Variants in MYO1E observed in about 807,000 individuals in gnomAD.
MYO1E encodes myosin IE.
Under a neutral mutation model 151.1 loss-of-function variants are expected in MYO1E, and 68 were observed. The ratio of observed to expected loss-of-function variants is 0.45; its 90% CI spans 0.37 to 0.55. The LOEUF is 0.55. MYO1E is among the 20% of genes least tolerant of loss of function. The probability of loss-of-function intolerance (pLI) is 0.00; values close to 1 mark genes in which losing one functional copy is unlikely to be tolerated. For missense variants in MYO1E, 1,363 were observed against 1,389.3 expected (o/e 0.98, Z 0.30); for synonymous variants, 601 against 501.7 (o/e 1.20, Z -2.64).
chr15:59,227,593 G>T lies in MYO1E; in HGVS notation c.511-3C>A. On this transcript the variant is annotated splice_polypyrimidine_tract_variant and splice_region_variant and intron_variant, in intron 6 of 27. Transcript: ENST00000288235. Reference sequence around the variant, plus strand: ...AACTGGATTTCAAAGTATTTTCCCTGCAAGAAAGTTAGGGATTTCCTTCAA... The same window carrying T: ...AACTGGATTTCAAAGTATTTTCCCTTCAAGAAAGTTAGGGATTTCCTTCAA... 1 of 1,614,062 alleles carries T rather than the reference G, an allele frequency of 6.2e-7. No individual in the cohort carries two copies. The highest frequency in any genetic ancestry group is 8.5e-7 in the Non-Finnish European group (1 of 1,179,962).
chr15:59,132,730 C>A lies in MYO1E; in HGVS notation c.*4650G>T, dbSNP rs544069038. 1 of 152,164 alleles carries A rather than the reference C, an allele frequency of 6.6e-6. No individual in the cohort carries two copies. Among genetic ancestry groups the A allele is most frequent in the South Asian group, 2.1e-4 (1 of 4,832 alleles). 9.4% of individuals were successfully genotyped at this position (152,164 alleles called of 1,614,324 possible). On this transcript the variant is annotated 3_prime_UTR_variant, in exon 28 of 28. Transcript: ENST00000288235. ...GATCTCTATACTTTAGTTTCTGTAC[C>A]TGTGAAGTGGGGATAAGAGTGTCTC...
chr15:59,164,039 G>A (rs1222626932), intron 22 of MYO1E, among the ~76,000 whole-genome samples: 1 of 152,218 alleles, frequency 6.6e-6, no homozygotes, highest in African/African-American at 2.4e-5. Flanking sequence ...TGCCTGGAGG[G>A]GAGCAGGTGT....
chr15:59,287,987 G>C (rs371425546), intron 1 of MYO1E, among the ~76,000 whole-genome samples: 3 of 152,206 alleles, frequency 2.0e-5, no homozygotes, highest in Non-Finnish European at 2.9e-5. Context: ...AATGTGCAGC[G>C]AAGGCGCTCA....
chr15:59,149,052 GTTTTTTT>G (rs570700878), intron 26 of MYO1E, among the ~76,000 whole-genome samples: 2 of 128,234 alleles, frequency 1.6e-5, no homozygotes, highest in African/African-American at 6.1e-5. Flanking sequence ...TTTTTTTTTT[GTTTTTTT>G]TTTTTTTTTT....
chr15:59,260,995 C>T (rs1174478395), intron 3 of MYO1E, among the ~76,000 whole-genome samples: 4 of 152,006 alleles, frequency 2.6e-5, no homozygotes, highest in African/African-American at 9.7e-5. Context: ...AGGTGGATCA[C>T]CTGAGGTCAG....
Position 59,233,532 on chromosome 15 carries a change from TGC to T in MYO1E, c.421-1743_421-1742del, listed in dbSNP as rs1224159656. On this transcript the variant is annotated intron_variant, in intron 5 of 27. Transcript: ENST00000288235. ...TACAAAAATTAGCTGGGCATAGTGG[TGC>T]ACGCCTGTAGTCCCAGCTACTCGGG... Among the ~76,000 whole-genome samples the T allele has an allele frequency of 6.6e-5, 10 of 151,854 alleles. No individual in the cohort carries two copies. The East Asian group carries it at 1.9e-3, about 29-fold the overall frequency.
chr15:59,296,998 CCCGGCTA>C (rs1567006944), intron 1 of MYO1E, among the ~76,000 whole-genome samples: 1 of 47,788 alleles, frequency 2.1e-5, no homozygotes, highest in Non-Finnish European at 6.0e-5. Context: ...CGCTACCACG[CCCGGCTA>C]ATCGCCCGGC....
chr15:59,201,067 TCTTA>T (rs2079798457), intron 16 of MYO1E, among the ~76,000 whole-genome samples: 1 of 152,168 alleles, frequency 6.6e-6, no homozygotes, highest in African/African-American at 2.4e-5. Flanking sequence ...AGTGAGTATT[TCTTA>T]GAGTTACATG....
intron 4 of MYO1E, among the ~76,000 whole-genome samples, chr15:59,239,365 A>G (rs1296716076): frequency 6.6e-6 from 1 of 151,770 alleles, no homozygotes; most frequent in Non-Finnish European, 1.5e-5. Flanking sequence ...ACATATCACC[A>G]TAAGTATGTA....
At position 59,214,269 on chromosome 15, in the gene MYO1E, G is replaced by C. The variant is rs1236965769; in HGVS notation, c.1234C>G (p.Leu412Val). The C allele has an allele frequency of 6.2e-7, 1 of 1,613,054 alleles. No individual in the cohort carries two copies. Among genetic ancestry groups the C allele is most frequent in the Admixed American group, 1.7e-5 (1 of 59,932 alleles). The change falls in exon 12 of 28, where the codon CTG becomes GTG. Residue 412 changes from leucine to valine, a missense_variant. Coordinates refer to ENST00000288235, the MANE Select transcript of MYO1E (RefSeq NM_004998.4). ...GTCAGTTCAATAAAAATCTGCTGCA[G>C]TTTTTCATTAACAAAATTGATACAA... ...QFCINFVNEK[L>V]QQIFIELTLK... is the part of the protein sequence containing the mutation.
chr15:59,167,777 A>G (rs750984335), intron 22 of MYO1E, among the ~76,000 whole-genome samples: 1 of 152,184 alleles, frequency 6.6e-6, no homozygotes, highest in Admixed American at 6.5e-5. Context: ...CCTGGGCTCA[A>G]GCGATTCTCC....
intron 26 of MYO1E, among the ~76,000 whole-genome samples, chr15:59,140,286 C>G (rs571462766): frequency 6.6e-5 from 10 of 152,320 alleles, no homozygotes; most frequent in South Asian, 4.1e-4. Context: ...TTCATACATT[C>G]TTTCAAAGGT....
chr15:59,300,075 T>C (rs538671489), intron 1 of MYO1E, among the ~76,000 whole-genome samples: 26 of 152,152 alleles, frequency 1.7e-4, no homozygotes, highest in Non-Finnish European at 3.2e-4. Flanking sequence ...TAAAAGGGCA[T>C]TTGAGCAACT....
chr15:59,274,379 T>C (rs1394715282), intron 1 of MYO1E, among the ~76,000 whole-genome samples: 2 of 152,164 alleles, frequency 1.3e-5, no homozygotes, highest in Admixed American at 1.3e-4. Context: ...CTCACTAGAT[T>C]TCCATTGAAT....
At chr15:59,363,045 G>A (rs1345587635) in intron 1 of MYO1E, among the ~76,000 whole-genome samples, 3 of 139,910 alleles carry the variant, frequency 2.1e-5, no homozygotes, top group Non-Finnish European at 4.5e-5. Context: ...GCACGATCTC[G>A]GCTCACTGCA....
intron 1 of MYO1E, among the ~76,000 whole-genome samples, chr15:59,318,592 T>C (rs2080604367): frequency 6.6e-6 from 1 of 152,166 alleles, no homozygotes. Context: ...TTGCCAGTCA[T>C]AGACATTTGG....
chr15:59,359,846 G>A lies in MYO1E; in HGVS notation c.3+12652C>T, dbSNP rs539512881. On this transcript the variant is annotated intron_variant, in intron 1 of 27. Transcript: ENST00000288235. Reference sequence around the variant, plus strand: ...CTCAGTGGCTGGAGATGCCTACAGCGTTCTATAAAACAAAGCCACTCCTAT... The same window carrying A: ...CTCAGTGGCTGGAGATGCCTACAGCATTCTATAAAACAAAGCCACTCCTAT... The A allele has an allele frequency of 1.1e-3, 168 of 152,224 alleles. 1 individual carries two copies. Among genetic ancestry groups the A allele is most frequent in the African/African-American group, 3.5e-3 (147 of 41,530 alleles). 9.4% of individuals were successfully genotyped at this position (152,224 alleles called of 1,614,324 possible).
intron 19 of MYO1E, among the ~76,000 whole-genome samples, chr15:59,178,006 C>T (rs542087534): frequency 3.2e-4 from 49 of 152,334 alleles, no homozygotes; most frequent in African/African-American, 1.2e-3. Context: ...TTAGCTTAGA[C>T]ACTCTTAGAG....
intron 1 of MYO1E, among the ~76,000 whole-genome samples, chr15:59,315,844 A>G (rs2080585556): frequency 6.6e-6 from 1 of 152,184 alleles, no homozygotes; most frequent in South Asian, 2.1e-4. Flanking sequence ...TGGTGTTTAT[A>G]TTTGTCTGAG....
Sources: allele counts gnomAD v4.1 joint callset (sites outside exome capture counted in the v4.1 genomes callset), GRCh38; gene constraint gnomAD v4.1.1; transcripts MANE v1.5; gene names NCBI Gene and HGNC (gene_info 2026-07-23, HGNC 2026-07-21).